Variants in HDAC4 observed in about 807,000 individuals in gnomAD.
HDAC4 encodes histone deacetylase 4.
Under a neutral mutation model 135.1 loss-of-function variants are expected in HDAC4, and 16 were observed. The ratio of observed to expected loss-of-function variants is 0.12; its 90% CI spans 0.08 to 0.18. HDAC4 has a LOEUF of 0.18. Among genes scored for constraint, HDAC4 ranks in the 10% least tolerant of loss-of-function variants. The probability of loss-of-function intolerance (pLI) is 1.00; values close to 1 mark genes in which losing one functional copy is unlikely to be tolerated. For missense variants in HDAC4, 1,143 were observed against 1,511.8 expected (o/e 0.76, Z 4.05); for synonymous variants, 685 against 653.4 (o/e 1.05, Z -0.74).
chr2:239,375,255 G>A (rs968316603), intron 1 of HDAC4, among the ~76,000 whole-genome samples: 3 of 152,170 alleles, frequency 2.0e-5, no homozygotes, highest in Non-Finnish European at 4.4e-5. Context: ...AGGGTGCCCC[G>A]GGAGGTGCCA....
intron 6 of HDAC4, among the ~76,000 whole-genome samples, chr2:239,159,268 CCACT>C (rs1196508720): frequency 1.3e-5 from 2 of 151,004 alleles, no homozygotes; most frequent in Non-Finnish European, 1.5e-5. Flanking sequence ...CTACTCACAC[CCACT>C]CACGCCCACA....
chr2:239,126,406 A>C (rs775588514), intron 12 of HDAC4, 50 bp downstream of exon 12: 36 of 1,611,776 alleles, frequency 2.2e-5, no homozygotes, highest in Non-Finnish European at 3.1e-5. Flanking sequence ...GCTGAAGCGC[A>C]CAGCACACAG....
chr2:239,216,538 G>C (rs181522418), intron 3 of HDAC4, among the ~76,000 whole-genome samples: 58 of 152,356 alleles, frequency 3.8e-4, no homozygotes, highest in African/African-American at 1.1e-3. Flanking sequence ...CTGAAGAAGA[G>C]AAGGCTTTGT....
chr2:239,165,979 G>A (rs2043102443), intron 5 of HDAC4, among the ~76,000 whole-genome samples: 1 of 152,164 alleles, frequency 6.6e-6, no homozygotes, highest in Non-Finnish European at 1.5e-5. Flanking sequence ...TGATGGCTCA[G>A]AAATGGATTT....
At chr2:239,338,829 G>T (rs923041970) in intron 2 of HDAC4, among the ~76,000 whole-genome samples, 1 of 152,164 alleles carries the variant, frequency 6.6e-6, no homozygotes, top group Non-Finnish European at 1.5e-5. Flanking sequence ...ACTGGTGGAG[G>T]ATTCCAGAGC....
intron 3 of HDAC4, among the ~76,000 whole-genome samples, chr2:239,211,826 C>A (rs2046365901): frequency 6.6e-6 from 1 of 152,182 alleles, no homozygotes; most frequent in African/African-American, 2.4e-5. Flanking sequence ...CCTTTGCTTT[C>A]AAAAATAAGC....
intron 12 of HDAC4, among the ~76,000 whole-genome samples, chr2:239,124,854 C>T (rs2040047994): frequency 4.4e-5 from 6 of 135,076 alleles, no homozygotes; most frequent in South Asian, 2.4e-4. Context: ...CGTTATATGA[C>T]ATTCTGGTGT....
intron 3 of HDAC4, among the ~76,000 whole-genome samples, chr2:239,193,222 C>T (rs1009862298): frequency 6.6e-6 from 1 of 152,224 alleles, no homozygotes; most frequent in African/African-American, 2.4e-5. Context: ...AGGCCTGACC[C>T]GCTGCTGGCT....
chr2:239,156,241 G>C (rs1425201645), intron 7 of HDAC4, among the ~76,000 whole-genome samples: 4 of 152,182 alleles, frequency 2.6e-5, no homozygotes, highest in African/African-American at 9.7e-5. Flanking sequence ...AGGCCCTGCT[G>C]CTGGCACTGC....
At chr2:239,136,316 GT>G (rs1244384171) in intron 9 of HDAC4, among the ~76,000 whole-genome samples, 1 of 152,188 alleles carries the variant, frequency 6.6e-6, no homozygotes, top group African/African-American at 2.4e-5. Flanking sequence ...GCCTGGCTTA[GT>G]TCACTTAACA....
intron 2 of HDAC4, among the ~76,000 whole-genome samples, chr2:239,255,770 A>T (rs2049019703): frequency 6.6e-6 from 1 of 152,124 alleles, no homozygotes. Context: ...GAAACACAAA[A>T]AGCTCCCAAG....
chr2:239,119,856 C>T (rs963105324), intron 12 of HDAC4, among the ~76,000 whole-genome samples: 9 of 152,180 alleles, frequency 5.9e-5, no homozygotes, highest in South Asian at 2.1e-4. Flanking sequence ...TGCAGAGAAG[C>T]GACTGCACAG....
intron 1 of HDAC4, among the ~76,000 whole-genome samples, chr2:239,398,672 G>A (rs1237743921): frequency 6.6e-6 from 1 of 152,220 alleles, no homozygotes; most frequent in East Asian, 1.9e-4. Context: ...CCGAGAATAT[G>A]GCATTTGGGG....
intron 1 of HDAC4, among the ~76,000 whole-genome samples, chr2:239,360,271 C>T (rs1693773714): frequency 6.6e-6 from 1 of 152,152 alleles, no homozygotes; most frequent in Non-Finnish European, 1.5e-5. Flanking sequence ...GAATCATTAC[C>T]AGAGGGGGAA....
At chr2:239,278,816 C>A (rs1385938374) in intron 2 of HDAC4, among the ~76,000 whole-genome samples, 2 of 152,224 alleles carry the variant, frequency 1.3e-5, no homozygotes, top group Non-Finnish European at 2.9e-5. Flanking sequence ...CTCTCTTCCT[C>A]TTTAAACATG....
intron 5 of HDAC4, among the ~76,000 whole-genome samples, chr2:239,171,476 C>A (rs2043448543): frequency 6.6e-6 from 1 of 152,120 alleles, no homozygotes; most frequent in Non-Finnish European, 1.5e-5. Flanking sequence ...GAAACAAAGA[C>A]ACAAAAATAA....
At chr2:239,168,233 C>A (rs1203514822) in intron 5 of HDAC4, among the ~76,000 whole-genome samples, 1 of 152,240 alleles carries the variant, frequency 6.6e-6, no homozygotes, top group Non-Finnish European at 1.5e-5. Context: ...CCATTCCCTG[C>A]AGGGCTGCGC....
rs1003379300 is a variant in HDAC4, at chr2:239,222,385, G to A, written c.94+14208C>T. 3.3e-5 allele frequency among the ~76,000 whole-genome samples: 5 copies of A among 151,942 alleles called. 1 individual carries two copies. Among genetic ancestry groups the A allele is most frequent in the Admixed American group, 2.0e-4 (3 of 15,268 alleles). ...CTAATTTGTTCTATATCCCCAGGAA[G>A]AAAAAAACATCTTTTGGAAATATTT... On this transcript the variant is annotated intron_variant, in intron 3 of 26. Coordinates refer to ENST00000543185, the MANE Select transcript of HDAC4 (RefSeq NM_001378414.1).
At chr2:239,195,366 AC>A (rs1158522448) in intron 3 of HDAC4, among the ~76,000 whole-genome samples, 2 of 152,178 alleles carry the variant, frequency 1.3e-5, no homozygotes, top group Non-Finnish European at 2.9e-5. Context: ...GGATTCAATA[AC>A]ACAAATGGAG....
Sources: gnomAD v4.1 joint callset for allele counts (sites outside exome capture counted in the v4.1 genomes callset) on GRCh38, gnomAD v4.1.1 for gene constraint, MANE v1.5 for transcripts, NCBI Gene and HGNC (gene_info 2026-07-23, HGNC 2026-07-21) for gene names.